Variants in ATP2B1 observed in about 807,000 individuals in gnomAD.
ATP2B1 encodes the protein ATPase plasma membrane Ca2+ transporting 1.
In ATP2B1, 14 loss-of-function variants were observed where a neutral mutation model predicts 124.2. That is an observed-to-expected ratio of 0.11 (90% CI 0.07 to 0.18). ATP2B1 has a LOEUF of 0.18. Among genes scored for constraint, ATP2B1 ranks in the 10% least tolerant of loss-of-function variants. The pLI is 1.00. For missense variants in ATP2B1, 763 were observed against 1,466.1 expected (o/e 0.52, Z 7.83); for synonymous variants, 449 against 492.4 (o/e 0.91, Z 1.17).
At chr12:89,695,492 T>A (rs1057368469) in intron 1 of ATP2B1, among the ~76,000 whole-genome samples, 1 of 152,136 alleles carries the variant, frequency 6.6e-6, no homozygotes, top group Non-Finnish European at 1.5e-5. Context: ...AAAATTCATA[T>A]ATGATGTCAC....
chr12:89,667,721 C>T (rs1887479154), intron 1 of ATP2B1, among the ~76,000 whole-genome samples: 1 of 152,100 alleles, frequency 6.6e-6, no homozygotes, highest in African/African-American at 2.4e-5. Context: ...TTGTACACTG[C>T]TAAAAGAAAT....
intron 12 of ATP2B1, 84 bp downstream of exon 12, chr12:89,616,718 T>C: frequency 7.6e-7 from 1 of 1,316,762 alleles, no homozygotes; most frequent in Non-Finnish European, 1.0e-6. Flanking sequence ...CCAAGAATTT[T>C]ACTAGAAAAC....
rs1231864282 is a variant in ATP2B1 at position 89,601,404 on chromosome 12, A to G, written c.3090T>C (p.Pro1030=). The G allele has an allele frequency of 6.4e-7, 1 of 1,574,338 alleles. No homozygotes were observed. Among genetic ancestry groups the G allele is most frequent in the Admixed American group, 2.0e-5 (1 of 48,868 alleles). Residue 1030 remains proline (P), a synonymous_variant, in exon 19 of 21, where the codon CCT becomes CCC. Transcript: ENST00000428670. ...QIIIVQFGGK[P]FSCSELSIEQ... ...CTATTGAAAGTTCTGAACAACTGAA[A>G]GGTTTTCCACCAAACTGCACAATTA...
chr12:89,682,097 C>A (rs1219244464), intron 1 of ATP2B1, among the ~76,000 whole-genome samples: 1 of 151,962 alleles, frequency 6.6e-6, no homozygotes. Flanking sequence ...AACTAATAAC[C>A]AATTACAAAA....
At chr12:89,647,288 A>G (rs1309353933) in intron 2 of ATP2B1, among the ~76,000 whole-genome samples, 1 of 152,248 alleles carries the variant, frequency 6.6e-6, no homozygotes, top group Non-Finnish European at 1.5e-5. Context: ...CATCAAAAGT[A>G]GCCTCAGAAT....
At chr12:89,707,164 C>CTT (rs1892561074) in intron 1 of ATP2B1, among the ~76,000 whole-genome samples, 1 of 152,134 alleles carries the variant, frequency 6.6e-6, no homozygotes, top group Non-Finnish European at 1.5e-5. Context: ...CCAATCCACC[C>CTT]CTGCCACACA....
intron 1 of ATP2B1, among the ~76,000 whole-genome samples, chr12:89,674,332 G>A (rs1888359189): frequency 6.6e-6 from 1 of 150,434 alleles, no homozygotes; most frequent in African/African-American, 2.5e-5. Flanking sequence ...GTTCAAAGCA[G>A]TGTCTGATTA....
chr12:89,645,059 G>A (rs911401390), intron 2 of ATP2B1, among the ~76,000 whole-genome samples: 3 of 152,146 alleles, frequency 2.0e-5, no homozygotes, highest in East Asian at 1.9e-4. Context: ...CCTAGGTTCC[G>A]GTTCACCTAC....
chr12:89,644,843 A>G (rs1449182158), intron 2 of ATP2B1, among the ~76,000 whole-genome samples: 1 of 152,332 alleles, frequency 6.6e-6, no homozygotes, highest in East Asian at 1.9e-4. Context: ...ATCTTAACAT[A>G]TTGGTTATAA....
intron 1 of ATP2B1, among the ~76,000 whole-genome samples, chr12:89,699,757 A>G (rs1891597761): frequency 6.6e-6 from 1 of 152,198 alleles, no homozygotes; most frequent in Non-Finnish European, 1.5e-5. Context: ...TAGCAAAAGA[A>G]ATGCTGTCAG....
At chr12:89,699,357 T>C (rs934607052) in intron 1 of ATP2B1, among the ~76,000 whole-genome samples, 5 of 152,228 alleles carry the variant, frequency 3.3e-5, no homozygotes, top group African/African-American at 1.2e-4. Context: ...TTAGATAATT[T>C]AGCTTTTCAA....
chr12:89,697,690 T>TAAA (rs1555209911), intron 1 of ATP2B1, among the ~76,000 whole-genome samples: 1 of 95,578 alleles, frequency 1.0e-5, no homozygotes, highest in African/African-American at 4.0e-5. Context: ...TTTTTTTTTT[T>TAAA]AAATATTAGC....
chr12:89,672,359 T>A (rs953011716), intron 1 of ATP2B1, among the ~76,000 whole-genome samples: 1 of 150,570 alleles, frequency 6.6e-6, no homozygotes, highest in Non-Finnish European at 1.5e-5. Context: ...GAGGCTGAGG[T>A]AGAAGGATTG....
In ATP2B1 at chr12:89,635,186, C is replaced by T; in HGVS notation, c.472G>A (p.Ala158Thr). 1 of 1,613,710 alleles carries T rather than the reference C, an allele frequency of 6.2e-7. No homozygotes were observed. Among genetic ancestry groups the T allele is most frequent in the Non-Finnish European group, 8.5e-7 (1 of 1,179,746 alleles). Residue 158 changes from alanine to threonine, a missense_variant, in exon 4 of 21, where the codon GCA (alanine) becomes ACA (threonine). By Grantham distance (58) the Ala-to-Thr change is moderately conservative. Coordinates refer to ENST00000428670, the MANE Select transcript of ATP2B1 (RefSeq NM_001366521.1). Reference sequence around the variant, plus strand: ...ACACACACTACAGACAAGAGGATTGCAGCTCCTTCAATCCAACCAGTTTCA... The same window carrying T: ...ACACACACTACAGACAAGAGGATTGTAGCTCCTTCAATCCAACCAGTTTCA... Reference protein sequence around the residue: ...EGETGWIEGAAILLSVVCVVL... With the variant: ...EGETGWIEGATILLSVVCVVL...
At chr12:89,690,132 T>C (rs1592986434) in intron 1 of ATP2B1, among the ~76,000 whole-genome samples, 2 of 152,222 alleles carry the variant, frequency 1.3e-5, no homozygotes, top group East Asian at 3.9e-4. Context: ...GTGGTATGAC[T>C]ATAAAGCAAT....
intron 3 of ATP2B1, among the ~76,000 whole-genome samples, chr12:89,641,175 C>T (rs886474928): frequency 2.0e-5 from 3 of 152,010 alleles, no homozygotes; most frequent in Non-Finnish European, 4.4e-5. Flanking sequence ...CTACCAGTTA[C>T]AGAATCTACC....
In ATP2B1 at chr12:89,668,171, T is replaced by C. The variant is rs540118101; in HGVS notation, c.-221-12064A>G. Among the ~76,000 whole-genome samples the C allele has an allele frequency of 8.5e-5, 13 of 152,248 alleles. No homozygotes were observed. In the South Asian group the frequency reaches 2.5e-3, roughly 29 times the overall value. On this transcript the variant is annotated intron_variant, in intron 1 of 20. Coordinates refer to ENST00000428670, the MANE Select transcript of ATP2B1 (RefSeq NM_001366521.1). ...AAGCTGCTACCGTGATAAAAACACA[T>C]TACCTATTTGTACCTCCGGAGGTTT...
chr12:89,675,552 T>C (rs1027372853), intron 1 of ATP2B1, among the ~76,000 whole-genome samples: 1 of 152,190 alleles, frequency 6.6e-6, no homozygotes, highest in African/African-American at 2.4e-5. Flanking sequence ...TAGGCACTTA[T>C]ATATTTGTTA....
intron 3 of ATP2B1, among the ~76,000 whole-genome samples, chr12:89,638,666 A>C (rs1164301705): frequency 6.6e-6 from 1 of 152,200 alleles, no homozygotes; most frequent in Non-Finnish European, 1.5e-5. Flanking sequence ...CTATGTGAAT[A>C]TACAATAGAT....
Sources: allele counts gnomAD v4.1 joint callset (sites outside exome capture counted in the v4.1 genomes callset), GRCh38; gene constraint gnomAD v4.1.1; transcripts MANE v1.5; gene names NCBI Gene and HGNC (gene_info 2026-07-23, HGNC 2026-07-21).